Variants in CUX1 observed in about 807,000 individuals in gnomAD.
CUX1 encodes cut like homeobox 1, also known as protein CASP.
CUX1 carries 31 observed loss-of-function variants against 158.8 expected under a neutral mutation model. That is an observed-to-expected ratio of 0.20 (90% CI 0.15 to 0.26). The LOEUF is 0.26. CUX1 is among the 10% of genes least tolerant of loss of function. The pLI is 1.00. For synonymous variants in CUX1, 879 were observed against 862.1 expected (o/e 1.02, Z -0.34); for missense variants, 1,589 against 2,014.6 (o/e 0.79, Z 4.04).
At chr7:102,282,966 C>A in intron 22 of CUX1, 4 of 1,344,882 alleles carry the variant, frequency 3.0e-6, no homozygotes, top group Non-Finnish European at 4.2e-6. Context: ...ATGGTACACA[C>A]CCCCCTTCCC....
chr7:102,148,390 T>C lies in CUX1; in HGVS notation c.675-10170T>C, dbSNP rs369034878. 3.9e-5 allele frequency among the ~76,000 whole-genome samples: 6 copies of C among 152,076 alleles called. No homozygotes were observed. The East Asian group carries it at 5.8e-4, about 15-fold the overall frequency. Reference sequence around the variant, plus strand: ...CCCGTCTCTACTAAAAATACAAAAATTAGCCAGGCGTGGTGGTGCACACCT... The same window carrying C: ...CCCGTCTCTACTAAAAATACAAAAACTAGCCAGGCGTGGTGGTGCACACCT... On this transcript the variant is annotated intron_variant, in intron 8 of 23. Coordinates refer to ENST00000292535, the MANE Select transcript of CUX1 (RefSeq NM_181552.4).
intron 9 of CUX1, among the ~76,000 whole-genome samples, chr7:102,165,607 T>C (rs1790940325): frequency 1.3e-5 from 2 of 152,216 alleles, no homozygotes; most frequent in South Asian, 4.1e-4. Flanking sequence ...TCAAGTGATC[T>C]GCCCACCTCA....
chr7:102,270,327 C>T (rs1478558669), intron 14 of CUX1, among the ~76,000 whole-genome samples: 1 of 152,194 alleles, frequency 6.6e-6, no homozygotes, highest in Non-Finnish European at 1.5e-5. Flanking sequence ...TAACTGAGGC[C>T]CCTCTCTGGT....
intron 2 of CUX1, among the ~76,000 whole-genome samples, chr7:101,934,523 T>G (rs1806689355): frequency 6.6e-6 from 1 of 152,208 alleles, no homozygotes; most frequent in South Asian, 2.1e-4. Context: ...GTTCAGGGTT[T>G]CACGAATCTG....
intron 2 of CUX1, among the ~76,000 whole-genome samples, chr7:101,957,667 A>C (rs528248490): frequency 6.6e-6 from 1 of 152,198 alleles, no homozygotes; most frequent in African/African-American, 2.4e-5. Flanking sequence ...TGGAGGTTGC[A>C]GTGAGCTGAG....
chr7:102,276,325 C>G (rs1734741), intron 17 of CUX1, among the ~76,000 whole-genome samples: 152,328 of 152,332 alleles, frequency 1, 76,162 homozygotes, highest in Non-Finnish European at 1. Flanking sequence ...TTTTTGAGAC[C>G]GAGTCCCGCT....
chr7:101,912,769 A>G (rs1180806410), intron 1 of CUX1, among the ~76,000 whole-genome samples: 2 of 152,152 alleles, frequency 1.3e-5, no homozygotes, highest in East Asian at 1.9e-4. Context: ...GTTTTTTTAC[A>G]TTACAGGAAA....
At chr7:102,079,637 G>C (rs1456406955) in intron 4 of CUX1, among the ~76,000 whole-genome samples, 1 of 152,042 alleles carries the variant, frequency 6.6e-6, no homozygotes, top group East Asian at 1.9e-4. Context: ...TGGGACCCAG[G>C]GCCCCTCCGG....
At chr7:102,260,294 G>C (rs111872102), downstream of CUX1, among the ~76,000 whole-genome samples, 944 of 149,698 alleles carry the variant, frequency 6.3e-3, 10 homozygotes, top group African/African-American at 0.022. Context: ...TCACCATGTT[G>C]CCCAGGCTGG....
intron 1 of CUX1, among the ~76,000 whole-genome samples, chr7:101,887,011 C>A (rs1431863147): frequency 6.6e-6 from 1 of 152,208 alleles, no homozygotes; most frequent in African/African-American, 2.4e-5. Flanking sequence ...GCAACACATA[C>A]CATTGCCCAA....
intron 1 of CUX1, among the ~76,000 whole-genome samples, chr7:101,847,394 G>A (rs138654317): frequency 3.3e-5 from 5 of 152,200 alleles, no homozygotes; most frequent in South Asian, 2.1e-4. Context: ...GCAGCCATGC[G>A]TCCCACTGTC....
At chr7:102,242,940 T>G (rs1387220594) in intron 23 of CUX1, among the ~76,000 whole-genome samples, 2 of 152,168 alleles carry the variant, frequency 1.3e-5, no homozygotes, top group Admixed American at 1.3e-4. Flanking sequence ...AGAAGAAGAA[T>G]ACCAGTAGGA....
intron 2 of CUX1, among the ~76,000 whole-genome samples, chr7:102,000,533 A>C (rs1286523516): frequency 1.3e-5 from 2 of 152,234 alleles, no homozygotes; most frequent in African/African-American, 2.4e-5. Flanking sequence ...ATTGGAAAAC[A>C]TTCTTGTTTA....
chr7:102,008,020 C>T (rs961661241), intron 2 of CUX1, among the ~76,000 whole-genome samples: 2 of 152,168 alleles, frequency 1.3e-5, no homozygotes, highest in Admixed American at 1.3e-4. Flanking sequence ...GCTGGGATTA[C>T]AGGCACCACT....
intron 2 of CUX1, among the ~76,000 whole-genome samples, chr7:101,929,397 TC>T (rs1360527382): frequency 1.3e-5 from 2 of 152,160 alleles, no homozygotes; most frequent in African/African-American, 2.4e-5. Flanking sequence ...TTGAAGCTAT[TC>T]TTTGAGAGTA....
chr7:102,097,765 T>C (rs1162071433), intron 5 of CUX1, among the ~76,000 whole-genome samples: 1 of 152,268 alleles, frequency 6.6e-6, no homozygotes, highest in Non-Finnish European at 1.5e-5. Flanking sequence ...TTGAAAATTC[T>C]TCCCGTATCA....
At chr7:102,026,019 A>G (rs1273222847) in intron 2 of CUX1, among the ~76,000 whole-genome samples, 1 of 152,140 alleles carries the variant, frequency 6.6e-6, no homozygotes, top group African/African-American at 2.4e-5. Context: ...CTCTACAAAA[A>G]AATAAGAAAA....
chr7:101,857,142 C>G (rs914483153), intron 1 of CUX1, among the ~76,000 whole-genome samples: 1 of 152,220 alleles, frequency 6.6e-6, no homozygotes, highest in African/African-American at 2.4e-5. Flanking sequence ...CTGCCCTTAC[C>G]CCGCCCGGTG....
Position 102,250,570 on chromosome 7 carries a change from C to G in CUX1, c.*1528C>G. 1.0e-6 allele frequency: 1 copy of G among 985,476 alleles called. No individual in the cohort carries two copies. The highest frequency in any genetic ancestry group is 1.2e-6 in the Non-Finnish European group (1 of 829,944). 61.0% of individuals were successfully genotyped at this position (985,476 alleles called of 1,614,324 possible). On this transcript the variant is annotated 3_prime_UTR_variant, in exon 24 of 24. Transcript: ENST00000292535. ...AGAACGTGGCATTCTGGGCTCCCCA[C>G]TCCCATCCCTGTAGAAATGGCCCAA...
Sources: allele counts gnomAD v4.1 joint callset (sites outside exome capture counted in the v4.1 genomes callset), GRCh38; gene constraint gnomAD v4.1.1; transcripts MANE v1.5; gene names NCBI Gene and HGNC (gene_info 2026-07-23, HGNC 2026-07-21).